Variants in FIG4 observed in about 807,000 individuals in gnomAD.
FIG4 encodes FIG4 phosphoinositide 5-phosphatase.
In FIG4, 112 loss-of-function variants were observed where a neutral mutation model predicts 118.6. The observed-to-expected ratio is 0.94, with a 90% CI of 0.81 to 1.11. The LOEUF is 1.11. FIG4 is among the 50% of genes least tolerant of loss of function. The pLI is 0.00. For synonymous variants in FIG4, 369 were observed against 381.2 expected, an observed-to-expected ratio of 0.97 and a Z score of 0.37; for missense variants, 969 against 1,111.7, an observed-to-expected ratio of 0.87 and a Z score of 1.83.
chr6:109,812,861 CTG>C (rs1299837231), intron 22 of FIG4, among the ~76,000 whole-genome samples: 1 of 152,142 alleles, frequency 6.6e-6, no homozygotes, highest in East Asian at 1.9e-4. Flanking sequence ...AGCAGATTCT[CTG>C]TATGCTGATG....
intron 10 of FIG4, 128 bp from the exon 11 acceptor site, chr6:109,760,122 A>T: frequency 1.4e-6 from 1 of 711,080 alleles, no homozygotes; most frequent in East Asian, 2.7e-5. Flanking sequence ...TATTGTAGCT[A>T]GGTTTCATTT....
At chr6:109,697,696 T>C (rs1339589295) in intron 1 of FIG4, among the ~76,000 whole-genome samples, 1 of 152,182 alleles carries the variant, frequency 6.6e-6, no homozygotes, top group African/African-American at 2.4e-5. Context: ...ACGAAGGACA[T>C]GAATACCAAG....
At chr6:109,750,478 T>C (rs1227985035) in intron 10 of FIG4, among the ~76,000 whole-genome samples, 3 of 151,934 alleles carry the variant, frequency 2.0e-5, no homozygotes, top group Admixed American at 6.6e-5. Context: ...ACAAAATTTT[T>C]TTTTTTCAAT....
At chr6:109,817,569 A>G (rs75047926) in intron 22 of FIG4, among the ~76,000 whole-genome samples, 1 of 66,750 alleles carries the variant, frequency 1.5e-5, no homozygotes, top group East Asian at 4.3e-4. Context: ...GAGAGTGTGT[A>G]AAAAAAAAAA....
Position 109,777,014 on chromosome 6 carries a change from T to C in FIG4, c.1843T>C (p.Tyr615His), listed in dbSNP as rs747467723. ...TCTCTGGGAGCTCCCAACAGATTTT[T>C]ATTTGCATCACAAAAATACCATGAG... ...PHLWELPTDFYLHHKNTMRLL... is the reference protein window; with the variant it reads ...PHLWELPTDFHLHHKNTMRLL... Residue 615 changes from tyrosine (Y) to histidine (H), a missense_variant, in exon 16 of 23, where the codon TAT becomes CAT. Around this residue, in one of 3 missense-constraint regions of FIG4, gnomAD observed 246 missense variants for 354.3 expected, o/e 0.69. Coordinates refer to ENST00000230124, the MANE Select transcript of FIG4 (RefSeq NM_014845.6). 1 of 1,613,900 alleles carries C rather than the reference T, an allele frequency of 6.2e-7. No homozygotes were observed. The highest frequency in any genetic ancestry group is 8.5e-7 in the Non-Finnish European group (1 of 1,179,848).
intron 19 of FIG4, among the ~76,000 whole-genome samples, chr6:109,790,243 G>C (rs950612501): frequency 2.6e-5 from 4 of 152,128 alleles, no homozygotes; most frequent in Admixed American, 2.6e-4. Context: ...CTAGACTCTG[G>C]CCACATACCC....
intron 4 of FIG4, among the ~76,000 whole-genome samples, chr6:109,729,250 A>C: frequency 6.6e-6 from 1 of 152,224 alleles, no homozygotes; most frequent in East Asian, 1.9e-4. Flanking sequence ...TGTTTGCAGA[A>C]AACATATTTG....
chr6:109,727,037 C>G (rs528033898), intron 3 of FIG4, 72 bp from the exon 4 acceptor site: 474 of 1,125,130 alleles, frequency 4.2e-4, no homozygotes, highest in Non-Finnish European at 5.9e-4. Context: ...AGGTCTTTGG[C>G]CTTTTAAATA....
chr6:109,786,297 C>T lies in FIG4; in HGVS notation c.1949-5C>T. ...TTTTAGAGTAACATGCAGTATCTCTCTTAGTTATCTGTGCTGTGAACTTAA... is the reference window on the plus strand; with the variant it reads ...TTTTAGAGTAACATGCAGTATCTCTTTTAGTTATCTGTGCTGTGAACTTAA... On this transcript the variant is annotated splice_polypyrimidine_tract_variant and splice_region_variant and intron_variant, in intron 17 of 22. Coordinates refer to ENST00000230124, the MANE Select transcript of FIG4 (RefSeq NM_014845.6). 3 of 1,610,444 alleles carry T rather than the reference C, an allele frequency of 1.9e-6. No individual in the cohort carries two copies. The highest frequency in any genetic ancestry group is 1.1e-5 in the South Asian group (1 of 90,942).
At chr6:109,771,231 T>C (rs1777449238) in intron 15 of FIG4, among the ~76,000 whole-genome samples, 1 of 152,222 alleles carries the variant, frequency 6.6e-6, no homozygotes, top group African/African-American at 2.4e-5. Flanking sequence ...CAGTTGTACA[T>C]GGCAAGAGAA....
chr6:109,780,387 A>G (rs990003665), intron 16 of FIG4, among the ~76,000 whole-genome samples: 21 of 151,946 alleles, frequency 1.4e-4, no homozygotes, highest in African/African-American at 5.1e-4. Context: ...TAATTTTTGT[A>G]TTTTTGGTAG....
At chr6:109,741,313 C>A in intron 7 of FIG4, 131 bp from the exon 8 acceptor site, 1 of 766,164 alleles carries the variant, frequency 1.3e-6, no homozygotes, top group Middle Eastern at 2.3e-4. Context: ...CTGTTCCATT[C>A]TTGGGTGGAG....
intron 10 of FIG4, among the ~76,000 whole-genome samples, chr6:109,745,113 T>C (rs191615807): frequency 1.3e-5 from 2 of 152,282 alleles, no homozygotes; most frequent in African/African-American, 4.8e-5. Context: ...TATGTGCATG[T>C]GTCTTTATAG....
intron 4 of FIG4, among the ~76,000 whole-genome samples, chr6:109,732,367 G>T (rs1455609286): frequency 6.6e-6 from 1 of 152,172 alleles, no homozygotes; most frequent in East Asian, 1.9e-4. Context: ...CCCAAAGTCT[G>T]CTGTGCCCCC....
At chr6:109,706,497 A>G (rs1775070585) in intron 1 of FIG4, among the ~76,000 whole-genome samples, 1 of 152,176 alleles carries the variant, frequency 6.6e-6, no homozygotes, top group African/African-American at 2.4e-5. Flanking sequence ...ACATAGACTG[A>G]CTACTAACAG....
At chr6:109,802,553 G>T (rs1386045331) in intron 22 of FIG4, among the ~76,000 whole-genome samples, 1 of 152,194 alleles carries the variant, frequency 6.6e-6, no homozygotes, top group Non-Finnish European at 1.5e-5. Context: ...GTGTGTACCA[G>T]TTTGCCATGC....
In FIG4 at chr6:109,732,753, A is replaced by G. The variant is rs1776046128; in HGVS notation, c.497+66A>G. 3.1e-6 allele frequency: 3 copies of G among 965,300 alleles called. No homozygotes were observed. In the South Asian group the frequency reaches 4.0e-5, roughly 13 times the overall value. 59.8% of individuals were successfully genotyped at this position (965,300 alleles called of 1,614,324 possible). A position where few individuals can be genotyped will look rare whatever the true frequency, so the allele number is the denominator to read the frequency against. ...CTTTTATATTATTTTCCAGCGGGTAAAAGCAGAATGAGAACATAGTAGTAC... is the reference window on the plus strand; with the variant it reads ...CTTTTATATTATTTTCCAGCGGGTAGAAGCAGAATGAGAACATAGTAGTAC... On this transcript the variant is annotated intron_variant, in intron 5 of 22. Transcript: ENST00000230124.
chr6:109,764,546 T>G (rs550506101), intron 13 of FIG4, among the ~76,000 whole-genome samples: 3 of 151,902 alleles, frequency 2.0e-5, no homozygotes, highest in Admixed American at 1.3e-4. Context: ...AACAAGAACA[T>G]GAAAAGAATA....
intron 10 of FIG4, among the ~76,000 whole-genome samples, chr6:109,746,463 G>A (rs537702139): frequency 6.6e-6 from 1 of 152,266 alleles, no homozygotes; most frequent in Admixed American, 6.5e-5. Context: ...CACTGGGAAA[G>A]AATGGTATTC....
Sources: allele counts gnomAD v4.1 joint callset (sites outside exome capture counted in the v4.1 genomes callset), GRCh38; gene constraint gnomAD v4.1.1; regional missense constraint gnomAD v4.1.1; transcripts MANE v1.5; gene names NCBI Gene and HGNC (gene_info 2026-07-23, HGNC 2026-07-21).